SPTBN1: variants seen among roughly 807,000 people sequenced by gnomAD.
The protein encoded by SPTBN1 is spectrin beta, non-erythrocytic 1, also known as spectrin beta chain, non-erythrocytic 1.
A neutral mutation model predicts 266.4 loss-of-function variants in SPTBN1; 32 were observed. That is an observed-to-expected ratio of 0.12 (90% CI 0.09 to 0.16). The LOEUF (loss-of-function observed/expected upper bound fraction) is 0.16. SPTBN1 is among the 10% of genes least tolerant of loss of function. SPTBN1 has a pLI of 1.00. For missense variants in SPTBN1, 2,296 were observed against 3,067.1 expected, an observed-to-expected ratio of 0.75 and a Z score of 5.94; for synonymous variants, 1,336 against 1,162.2, an observed-to-expected ratio of 1.15 and a Z score of -3.04.
intron 29 of SPTBN1, among the ~76,000 whole-genome samples, chr2:54,657,572 A>G (rs1680759383): frequency 6.6e-6 from 1 of 152,232 alleles, no homozygotes. Flanking sequence ...TTTCATATTG[A>G]TTACATGTTG....
chr2:54,560,189 G>GC (rs35251421), intron 2 of SPTBN1, among the ~76,000 whole-genome samples: 4 of 135,768 alleles, frequency 2.9e-5, no homozygotes, highest in South Asian at 4.8e-4. Flanking sequence ...AGTTGGGGTG[G>GC]GGGGGGGCGT....
intron 2 of SPTBN1, among the ~76,000 whole-genome samples, chr2:54,567,792 A>G (rs757655927): frequency 1.1e-4 from 16 of 152,196 alleles, no homozygotes; most frequent in South Asian, 2.1e-4. Context: ...CTCTCTCTAT[A>G]TATATAGAAA....
chr2:54,664,976 A>G lies in SPTBN1; in HGVS notation c.6659+285A>G, dbSNP rs185059143. Reference sequence around the variant, plus strand: ...AGATTGAGACTGAAGAGTCTTCTTTACTTTAAGTGATTGATTTCATTTAGG... The same window carrying G: ...AGATTGAGACTGAAGAGTCTTCTTTGCTTTAAGTGATTGATTTCATTTAGG... On this transcript the variant is annotated intron_variant, in intron 33 of 35. Coordinates refer to ENST00000356805, the MANE Select transcript of SPTBN1 (RefSeq NM_003128.3). The surrounding 1 kb of genome is among the most constrained non-coding windows in gnomAD (Gnocchi z 5.6). The G allele has an allele frequency of 4.2e-4, 157 of 374,474 alleles. No homozygotes were observed. Among genetic ancestry groups the G allele is most frequent in the African/African-American group, 2.6e-3 (129 of 49,268 alleles). 23.2% of individuals were successfully genotyped at this position (374,474 alleles called of 1,614,324 possible). A position where few individuals can be genotyped will look rare whatever the true frequency, so the allele number is the denominator to read the frequency against.
intron 2 of SPTBN1, among the ~76,000 whole-genome samples, chr2:54,549,259 A>G (rs1672425799): frequency 1.4e-5 from 2 of 146,370 alleles, no homozygotes; most frequent in African/African-American, 5.1e-5. Context: ...ATTGCACTCC[A>G]GCCTGGGCAA....
chr2:54,558,120 A>C lies in SPTBN1; in HGVS notation c.148+31554A>C. On this transcript the variant is annotated intron_variant, in intron 2 of 35. Transcript: ENST00000356805. This position sits in a 1 kb window ranked among gnomAD's most constrained non-coding sequence, Gnocchi z 4.6. ...TACATGAGGCTCAACAAAAGATTGTAATTCCAGCAGCTCTGTTTGGGAAGG... is the reference window on the plus strand; with the variant it reads ...TACATGAGGCTCAACAAAAGATTGTCATTCCAGCAGCTCTGTTTGGGAAGG... 6 of 985,372 alleles carry C rather than the reference A, an allele frequency of 6.1e-6. No homozygotes were observed. Among genetic ancestry groups the C allele is most frequent in the Non-Finnish European group, 7.2e-6 (6 of 829,902 alleles). 61.0% of individuals were successfully genotyped at this position (985,372 alleles called of 1,614,324 possible). A position where few individuals can be genotyped will look rare whatever the true frequency, so the allele number is the denominator to read the frequency against.
At chr2:54,585,924 A>G (rs1675260408) in intron 2 of SPTBN1, among the ~76,000 whole-genome samples, 1 of 152,244 alleles carries the variant, frequency 6.6e-6, no homozygotes, top group African/African-American at 2.4e-5. Flanking sequence ...TCAGCCTATC[A>G]TTCAATAAAT....
intron 32 of SPTBN1, chr2:54,661,995 C>G (rs756703280): frequency 1.9e-5 from 19 of 985,438 alleles, no homozygotes; most frequent in Non-Finnish European, 2.2e-5. Flanking sequence ...GACGCAGAGA[C>G]TCAGTGAACT....
At chr2:54,556,159 T>A (rs930151294) in intron 2 of SPTBN1, among the ~76,000 whole-genome samples, 1 of 152,218 alleles carries the variant, frequency 6.6e-6, no homozygotes, top group Admixed American at 6.5e-5. Context: ...CCTCCCCACT[T>A]CTGAACTGGA....
chr2:54,660,555 AGTCAGCT>A, intron 32 of SPTBN1: 1 of 985,860 alleles, frequency 1.0e-6, no homozygotes, highest in South Asian at 4.7e-5. Flanking sequence ...TAAAACCTAA[AGTCAGCT>A]GTGTAACATT....
chr2:54,521,538 G>A (rs983941032), intron 1 of SPTBN1, among the ~76,000 whole-genome samples: 1 of 151,812 alleles, frequency 6.6e-6, no homozygotes, highest in East Asian at 1.9e-4. Context: ...TTTTTGAGAC[G>A]AGGCTCACTC....
chr2:54,513,197 A>G (rs907626515), intron 1 of SPTBN1, among the ~76,000 whole-genome samples: 1 of 152,222 alleles, frequency 6.6e-6, no homozygotes, highest in Admixed American at 6.5e-5. Flanking sequence ...CAAACAAAAA[A>G]GAAACCACAC....
chr2:54,507,763 G>T (rs557791438), intron 1 of SPTBN1, among the ~76,000 whole-genome samples: 2 of 150,096 alleles, frequency 1.3e-5, no homozygotes, highest in African/African-American at 4.9e-5. Flanking sequence ...GATTGATTTA[G>T]GTAAAAATAG....
chr2:54,576,983 G>A (rs1345872237), intron 2 of SPTBN1, among the ~76,000 whole-genome samples: 5 of 152,208 alleles, frequency 3.3e-5, no homozygotes, highest in African/African-American at 9.6e-5. Context: ...GGGTAGGGGT[G>A]TACAGAGGGA....
chr2:54,666,193 C>T (rs940242568), intron 34 of SPTBN1, 105 bp downstream of exon 34: 3 of 1,221,476 alleles, frequency 2.5e-6, no homozygotes, highest in Non-Finnish European at 3.4e-6. Flanking sequence ...GTTCTGTCTT[C>T]TGCCATTTTA....
chr2:54,617,587 C>T (rs575634759), intron 5 of SPTBN1, 21 bp from the exon 6 acceptor site: 4 of 1,613,152 alleles, frequency 2.5e-6, no homozygotes, highest in East Asian at 4.5e-5. Flanking sequence ...TTGCTTTTCC[C>T]TTCTGCTTTG....
intron 1 of SPTBN1, among the ~76,000 whole-genome samples, chr2:54,457,470 C>G (rs1380013567): frequency 6.6e-6 from 1 of 152,148 alleles, no homozygotes; most frequent in Non-Finnish European, 1.5e-5. Flanking sequence ...TTTTTCCAAT[C>G]GAAAGCCAGG....
At chr2:54,585,628 T>G (rs561563882) in intron 2 of SPTBN1, among the ~76,000 whole-genome samples, 42 of 152,370 alleles carry the variant, frequency 2.8e-4, no homozygotes, top group Middle Eastern at 3.4e-3. Flanking sequence ...AAGATATCTT[T>G]AAAATAATTG....
intron 1 of SPTBN1, among the ~76,000 whole-genome samples, chr2:54,480,138 T>TG (rs1668026917): frequency 6.6e-6 from 1 of 152,232 alleles, no homozygotes; most frequent in Non-Finnish European, 1.5e-5. Context: ...AATTAGCACC[T>TG]GTGGCCCAGA....
At chr2:54,633,184 A>T (rs899655036) in intron 17 of SPTBN1, among the ~76,000 whole-genome samples, 3 of 151,998 alleles carry the variant, frequency 2.0e-5, no homozygotes, top group African/African-American at 4.8e-5. Context: ...CTGTCAGGAG[A>T]GTGGGAAGGG....
Sources: allele counts gnomAD v4.1 joint callset (sites outside exome capture counted in the v4.1 genomes callset), GRCh38; gene constraint gnomAD v4.1.1; non-coding constraint Gnocchi (gnomAD v3.1); transcripts MANE v1.5; gene names NCBI Gene and HGNC (gene_info 2026-07-23, HGNC 2026-07-21).